PAWR: variants seen among roughly 807,000 people sequenced by gnomAD.
The protein encoded by PAWR is PRKC apoptosis WT1 regulator protein.
Under a neutral mutation model 32.0 loss-of-function variants are expected in PAWR, and 23 were observed. The ratio of observed to expected loss-of-function variants is 0.72; its 90% CI spans 0.52 to 1.02. The LOEUF (loss-of-function observed/expected upper bound fraction) is 1.02, where lower values mean the gene tolerates loss of function less well. PAWR is among the 50% of genes least tolerant of loss of function. The pLI, the probability that PAWR is intolerant of heterozygous loss-of-function variation, is 0.00. For synonymous variants in PAWR, 226 were observed against 187.1 expected (o/e 1.21, Z -1.70); for missense variants, 457 against 437.7 (o/e 1.04, Z -0.39).
Position 79,589,595 on chromosome 12 carries a change from TACAC to T in PAWR, c.*3008_*3011del, listed in dbSNP as rs1873488290. The T allele has an allele frequency of 6.6e-6, 1 of 152,086 alleles. No homozygotes were observed. The highest frequency in any genetic ancestry group is 2.1e-4 in the South Asian group (1 of 4,826). The allele number at this position is 152,086 out of a possible 1,614,324, so 9.4% of individuals were successfully genotyped here. ...TAGTAAATCCCTTAGTACCTATAAA[TACAC>T]ACCCAAAAGCCCTTCCCTCCTTCTC... On this transcript the variant is annotated 3_prime_UTR_variant, in exon 7 of 7. Transcript: ENST00000328827.
intron 2 of PAWR, among the ~76,000 whole-genome samples, chr12:79,629,531 T>C (rs1408936554): frequency 6.6e-6 from 1 of 152,040 alleles, no homozygotes; most frequent in Non-Finnish European, 1.5e-5. Flanking sequence ...CAAATTCAGT[T>C]GGAGATTTCA....
chr12:79,626,796 G>C (rs1875349868), intron 2 of PAWR, among the ~76,000 whole-genome samples: 1 of 151,642 alleles, frequency 6.6e-6, no homozygotes, highest in South Asian at 2.1e-4. Context: ...GTGTCCATGT[G>C]TTCTCATTGT....
intron 2 of PAWR, among the ~76,000 whole-genome samples, chr12:79,679,240 T>C (rs891016349): frequency 6.6e-6 from 1 of 152,198 alleles, no homozygotes; most frequent in Non-Finnish European, 1.5e-5. Context: ...CATTCATATG[T>C]TTCTGAAGAA....
Position 79,664,132 on chromosome 12 carries a change from C to T in PAWR, c.516+25597G>A, listed in dbSNP as rs577279732. Among the ~76,000 whole-genome samples, 343 of 152,230 alleles carry T rather than the reference C, an allele frequency of 2.3e-3. 1 individual carries two copies. The highest frequency in any genetic ancestry group is 8.0e-3 in the African/African-American group (334 of 41,534). On this transcript the variant is annotated intron_variant, in intron 2 of 6. Transcript: ENST00000328827. Reference sequence around the variant, plus strand: ...AAATGTGGGATTATTTATCACTATTCATAAAGGATTATTTTCTTAAAAGAT... The same window carrying T: ...AAATGTGGGATTATTTATCACTATTTATAAAGGATTATTTTCTTAAAAGAT...
rs138443788 is a variant in PAWR at position 79,646,710 on chromosome 12, C to A, written c.517-25503G>T. Among the ~76,000 whole-genome samples the A allele has an allele frequency of 2.3e-3, 354 of 151,988 alleles. 3 individuals are homozygous for A. Among genetic ancestry groups the A allele is most frequent in the South Asian group, 0.018 (89 of 4,814 alleles). The stretch of plus-strand genomic sequence containing the variant: ...AGGTTAAATGATCTTTTAAGAGATG[C>A]CTGAAGCGGTAAATAGATAATTCAA... On this transcript the variant is annotated intron_variant, in intron 2 of 6. Coordinates refer to ENST00000328827, the MANE Select transcript of PAWR (RefSeq NM_002583.4).
intron 4 of PAWR, 138 bp downstream of exon 4, chr12:79,613,437 A>T (rs1022701442): frequency 5.0e-5 from 22 of 436,650 alleles, no homozygotes; most frequent in Non-Finnish European, 5.8e-5. Context: ...TCCTGCTTAC[A>T]ATATAATTTA....
intron 2 of PAWR, among the ~76,000 whole-genome samples, chr12:79,674,446 T>C (rs974162570): frequency 1.3e-5 from 2 of 150,768 alleles, no homozygotes; most frequent in Non-Finnish European, 3.0e-5. Flanking sequence ...CCTGCAACTA[T>C]GAAAACCCTA....
intron 2 of PAWR, among the ~76,000 whole-genome samples, chr12:79,652,427 G>A (rs185353352): frequency 1.3e-3 from 194 of 152,288 alleles, no homozygotes; most frequent in African/African-American, 4.4e-3. Flanking sequence ...CACAACCTGA[G>A]ATGTGCGGAT....
chr12:79,624,420 A>G (rs1173168812), intron 2 of PAWR, among the ~76,000 whole-genome samples: 3 of 152,192 alleles, frequency 2.0e-5, no homozygotes, highest in Non-Finnish European at 4.4e-5. Context: ...ATGAACTGGA[A>G]GGTGAACTGT....
intron 2 of PAWR, among the ~76,000 whole-genome samples, chr12:79,626,905 C>A (rs1875356673): frequency 6.6e-6 from 1 of 152,134 alleles, no homozygotes; most frequent in South Asian, 2.1e-4. Flanking sequence ...CATGTCCCTA[C>A]AAAGGACATG....
chr12:79,638,790 G>GGTGTGTGTGTGTGTGTGTGTGT (rs34039182), intron 2 of PAWR, among the ~76,000 whole-genome samples: 1 of 105,272 alleles, frequency 9.5e-6, no homozygotes, highest in African/African-American at 3.8e-5. Context: ...TTATATTTGG[G>GGTGTGTGTGTGTGTGTGTGTGT]GTGTGTGTGT....
chr12:79,651,567 A>G (rs1458102787), intron 2 of PAWR, among the ~76,000 whole-genome samples: 1 of 151,946 alleles, frequency 6.6e-6, no homozygotes, highest in East Asian at 1.9e-4. Flanking sequence ...GCCACAAAAG[A>G]CTCAAGTGAC....
intron 4 of PAWR, among the ~76,000 whole-genome samples, chr12:79,601,132 C>T (rs1334715145): frequency 2.0e-5 from 3 of 151,294 alleles, no homozygotes; most frequent in Non-Finnish European, 4.4e-5. Context: ...CAGAAAACTC[C>T]AATATGGCTA....
intron 2 of PAWR, among the ~76,000 whole-genome samples, chr12:79,673,145 C>G (rs1592549795): frequency 6.6e-6 from 1 of 152,130 alleles, no homozygotes; most frequent in East Asian, 1.9e-4. Context: ...TCTTGGCTCA[C>G]TGCAAGCTCC....
At chr12:79,639,633 T>A (rs528221300) in intron 2 of PAWR, among the ~76,000 whole-genome samples, 1 of 152,288 alleles carries the variant, frequency 6.6e-6, no homozygotes, top group South Asian at 2.1e-4. Flanking sequence ...TAATTTAAAT[T>A]TATATAATGC....
At chr12:79,687,233 G>A (rs767775979) in intron 2 of PAWR, among the ~76,000 whole-genome samples, 2 of 152,090 alleles carry the variant, frequency 1.3e-5, no homozygotes, top group Admixed American at 6.5e-5. Flanking sequence ...AGCTAGTTTC[G>A]GTTTTTGACC....
rs1466394874 is a variant in PAWR, at chr12:79,585,127, C to G, written c.*7480G>C. On this transcript the variant is annotated 3_prime_UTR_variant, in exon 7 of 7. Transcript: ENST00000328827. ...CTTCTCCTGATACAATCTTTTGCAACATAACCAACAAAGATCAGGAGCTTA... is the reference window on the plus strand; with the variant it reads ...CTTCTCCTGATACAATCTTTTGCAAGATAACCAACAAAGATCAGGAGCTTA... 2.2e-6 allele frequency: 1 copy of G among 452,436 alleles called. No individual in the cohort carries two copies. Among genetic ancestry groups the G allele is most frequent in the Non-Finnish European group, 4.4e-6 (1 of 225,662 alleles). The allele number at this position is 452,436 out of a possible 1,614,324, so 28.0% of individuals were successfully genotyped here. A position where few individuals can be genotyped will look rare whatever the true frequency, so the allele number is the denominator to read the frequency against.
intron 3 of PAWR, among the ~76,000 whole-genome samples, chr12:79,614,167 C>T (rs976726962): frequency 6.0e-5 from 9 of 149,990 alleles, no homozygotes; most frequent in African/African-American, 2.0e-4. Flanking sequence ...TGTGCCACCA[C>T]GCCTGGCTAA....
intron 2 of PAWR, among the ~76,000 whole-genome samples, chr12:79,622,608 G>C (rs1274193110): frequency 6.6e-6 from 1 of 152,122 alleles, no homozygotes; most frequent in Non-Finnish European, 1.5e-5. Context: ...GTTTCTAGCT[G>C]AGATGGAGTC....
Sources: allele counts gnomAD v4.1 joint callset (sites outside exome capture counted in the v4.1 genomes callset), GRCh38; gene constraint gnomAD v4.1.1; transcripts MANE v1.5; gene names NCBI Gene and HGNC (gene_info 2026-07-23, HGNC 2026-07-21).